The following KIF24 variants were observed in gnomAD, a reference collection of about 807,000 sequenced individuals.
KIF24 encodes kinesin-like protein KIF24.
KIF24 carries 81 observed loss-of-function variants against 118.9 expected under a neutral mutation model. The ratio of observed to expected loss-of-function variants is 0.68; its 90% CI spans 0.57 to 0.82. The LOEUF is 0.82. KIF24 is among the 40% of genes least tolerant of loss of function. KIF24 has a pLI of 0.00. For synonymous variants in KIF24, 599 were observed against 610.0 expected, an observed-to-expected ratio of 0.98 and a Z score of 0.27; for missense variants, 1,560 against 1,661.6, an observed-to-expected ratio of 0.94 and a Z score of 1.06.
At chr9:34,327,838 T>C (rs200669308) in intron 1 of KIF24, among the ~76,000 whole-genome samples, 1 of 122,960 alleles carries the variant, frequency 8.1e-6, no homozygotes, top group Non-Finnish European at 1.8e-5. Context: ...TTTTCTCTAA[T>C]AAAAAAAAAA....
At chr9:34,291,845 A>G (rs1045856454) in intron 4 of KIF24, among the ~76,000 whole-genome samples, 3 of 152,190 alleles carry the variant, frequency 2.0e-5, no homozygotes, top group Non-Finnish European at 4.4e-5. Flanking sequence ...AGGACCCCGA[A>G]CTCACTAAGC....
In KIF24 at chr9:34,254,091, A is replaced by C; in HGVS notation, c.*289T>G. On this transcript the variant is annotated 3_prime_UTR_variant, in exon 13 of 13. Coordinates refer to ENST00000402558, the MANE Select transcript of KIF24 (RefSeq NM_194313.4). ...AGACCCAAATATATTCCCACAGGCA[A>C]GGGGTTAGTTAATCATATTCTCTAG... 3.4e-6 allele frequency: 1 copy of C among 291,386 alleles called. No homozygotes were observed. Among genetic ancestry groups the C allele is most frequent in the Non-Finnish European group, 6.3e-6 (1 of 158,632 alleles). 18.1% of individuals were successfully genotyped at this position (291,386 alleles called of 1,614,324 possible).
rs1834854865 is a variant in KIF24 at position 34,256,587 on chromosome 9, G to A, written c.3020C>T (p.Pro1007Leu). 2 of 1,614,010 alleles carry A rather than the reference G, an allele frequency of 1.2e-6. No homozygotes were observed. Among genetic ancestry groups the A allele is most frequent in the African/African-American group, 1.3e-5 (1 of 75,050 alleles). ...SPDQRDTVTTPLREVSADGPI... is the reference protein window; with the variant it reads ...SPDQRDTVTTLLREVSADGPI... ...GCCGTCTGCACTGACTTCTCTCAGA[G>A]GTGTGGTGACTGTGTCTCTTTGGTC... The change falls in exon 11 of 13, where the codon CCT becomes CTT. Residue 1007 changes from proline (P) to leucine (L), a missense_variant. Coordinates refer to ENST00000402558, the MANE Select transcript of KIF24 (RefSeq NM_194313.4).
rs551578155 is a variant in KIF24 at position 34,329,188 on chromosome 9, T to G, written c.-108A>C. ...GGAGTGAGCCCCAAAGCCCGCAACC[T>G]AACAGTCCCGTCAACCCGGGAGCCA... On this transcript the variant is annotated 5_prime_UTR_variant, in exon 1 of 13. Coordinates refer to ENST00000402558, the MANE Select transcript of KIF24 (RefSeq NM_194313.4). 2.0e-5 allele frequency among the ~76,000 whole-genome samples: 3 copies of G among 152,216 alleles called. No individual in the cohort carries two copies. Among genetic ancestry groups the G allele is most frequent in the African/African-American group, 7.2e-5 (3 of 41,456 alleles).
intron 1 of KIF24, chr9:34,319,623 C>A: frequency 2.2e-6 from 2 of 897,264 alleles, no homozygotes; most frequent in Non-Finnish European, 3.7e-6. Flanking sequence ...CCTGGTCCGG[C>A]CTAAGGTTGA....
intron 1 of KIF24, among the ~76,000 whole-genome samples, chr9:34,317,140 C>T (rs1837354451): frequency 6.6e-6 from 1 of 151,986 alleles, no homozygotes; most frequent in Non-Finnish European, 1.5e-5. Context: ...ATCACTTGTA[C>T]CGGGAAAGTG....
At chr9:34,255,275 G>A (rs775243991) in intron 11 of KIF24, 110 bp from the exon 12 acceptor site, 3 of 681,562 alleles carry the variant, frequency 4.4e-6, no homozygotes, top group Non-Finnish European at 7.7e-6. Flanking sequence ...TGCCGAAAAT[G>A]GTCAAGGTTT....
chr9:34,327,218 G>A (rs1000156318), intron 1 of KIF24, among the ~76,000 whole-genome samples: 21 of 148,152 alleles, frequency 1.4e-4, no homozygotes, highest in Non-Finnish European at 4.5e-5. Context: ...ATGTGTTGAG[G>A]ATCTACACTG....
chr9:34,294,345 A>T (rs1836376750), intron 4 of KIF24, among the ~76,000 whole-genome samples: 1 of 152,112 alleles, frequency 6.6e-6, no homozygotes, highest in Non-Finnish European at 1.5e-5. Flanking sequence ...CTCATAAAAA[A>T]AATTATACAA....
intron 7 of KIF24, among the ~76,000 whole-genome samples, chr9:34,269,709 G>A (rs1290669184): frequency 2.6e-5 from 4 of 151,390 alleles, no homozygotes; most frequent in South Asian, 4.2e-4. Flanking sequence ...ATGAGCCACC[G>A]CGCCTGGCCA....
intron 2 of KIF24, 90 bp downstream of exon 2, chr9:34,310,631 AAGG>A (rs1483082557): frequency 2.8e-5 from 22 of 785,848 alleles, no homozygotes; most frequent in Non-Finnish European, 8.1e-6. Context: ...TACTATAAAT[AAGG>A]AGTAGATGCT....
In KIF24 at chr9:34,318,536, G is replaced by A. The variant is rs1481539415; in HGVS notation, c.-25-7165C>T. ...GAGCCCCAAGGCAGCCACGCTGGCC[G>A]AACACAGCGCCGGCCTGGCCTTCAG... On this transcript the variant is annotated intron_variant, in intron 1 of 12. Coordinates refer to ENST00000402558, the MANE Select transcript of KIF24 (RefSeq NM_194313.4). The surrounding 1 kb of genome is among the most constrained non-coding windows in gnomAD (Gnocchi z 4.9). The A allele has an allele frequency of 7.7e-6, 8 of 1,035,166 alleles. No individual in the cohort carries two copies. The highest frequency in any genetic ancestry group is 1.3e-5 in the South Asian group (1 of 75,520). The allele number at this position is 1,035,166 out of a possible 1,614,324, so 64.1% of individuals were successfully genotyped here.
intron 8 of KIF24, among the ~76,000 whole-genome samples, chr9:34,267,245 A>G (rs1222353930): frequency 6.6e-6 from 1 of 152,132 alleles, no homozygotes; most frequent in African/African-American, 2.4e-5. Context: ...CATGTCCTTA[A>G]CAGAGACTAA....
chr9:34,280,859 C>T (rs1385554172), intron 6 of KIF24, among the ~76,000 whole-genome samples: 1 of 152,132 alleles, frequency 6.6e-6, no homozygotes, highest in Non-Finnish European at 1.5e-5. Flanking sequence ...GGCCACCATG[C>T]CACTGCACAC....
chr9:34,306,577 C>A (rs543081354), intron 2 of KIF24, 136 bp from the exon 3 acceptor site: 130 of 547,748 alleles, frequency 2.4e-4, no homozygotes, highest in East Asian at 2.3e-3. Context: ...CCGAGGTGGG[C>A]GGATCACGAT....
At position 34,311,007 on chromosome 9, in the gene KIF24, C is replaced by T. The variant is rs759144011; in HGVS notation, c.340G>A (p.Asp114Asn). 1 of 1,613,872 alleles carries T rather than the reference C, an allele frequency of 6.2e-7. No individual in the cohort carries two copies. Among genetic ancestry groups the T allele is most frequent in the African/African-American group, 1.3e-5 (1 of 74,926 alleles). The stretch of plus-strand genomic sequence containing the variant: ...GATAAACTGCACATTTCAAACCCAT[C>T]ATTGCTGGCATTTCTGTCTTTATTG... The part of the protein sequence containing the change: ...ADNKDRNASN[D>N]GFEMCSLSDF... The change falls in exon 2 of 13, where the codon GAT (aspartate) becomes AAT (asparagine). Residue 114 changes from aspartate to asparagine, a missense_variant. By Grantham distance (23) the Asp-to-Asn change is conservative (BLOSUM62 1). Around this residue, in one of 3 missense-constraint regions of KIF24, gnomAD observed 964 missense variants for 988.0 expected, o/e 0.98. Coordinates refer to ENST00000402558, the MANE Select transcript of KIF24 (RefSeq NM_194313.4).
intron 7 of KIF24, 101 bp from the exon 8 acceptor site, chr9:34,269,463 A>G: frequency 1.9e-6 from 1 of 516,472 alleles, no homozygotes; most frequent in Non-Finnish European, 3.1e-6. Context: ...TCTGTCGCCC[A>G]GGCTGGAGTG....
intron 6 of KIF24, among the ~76,000 whole-genome samples, chr9:34,275,223 A>G (rs1284654460): frequency 6.6e-6 from 1 of 151,976 alleles, no homozygotes; most frequent in Non-Finnish European, 1.5e-5. Context: ...GTGAAACCCC[A>G]TCTCTACTAA....
chr9:34,320,957 T>C (rs1177712691), intron 1 of KIF24, among the ~76,000 whole-genome samples: 2 of 151,336 alleles, frequency 1.3e-5, no homozygotes, highest in East Asian at 3.9e-4. Flanking sequence ...TTTTATTCAC[T>C]GTTTTCTTTG....
Sources: gnomAD v4.1 joint callset for allele counts (sites outside exome capture counted in the v4.1 genomes callset) on GRCh38, gnomAD v4.1.1 for gene constraint, gnomAD v4.1.1 regional missense constraint, Gnocchi (gnomAD v3.1) non-coding constraint, MANE v1.5 for transcripts, NCBI Gene and HGNC (gene_info 2026-07-23, HGNC 2026-07-21) for gene names.